The following SORCS2 variants were observed in gnomAD, a reference collection of about 807,000 sequenced individuals.
The protein encoded by SORCS2 is sortilin related VPS10 domain containing receptor 2.
A neutral mutation model predicts 141.6 loss-of-function variants in SORCS2; 100 were observed. The ratio of observed to expected loss-of-function variants is 0.71; its 90% CI spans 0.60 to 0.83. The LOEUF (loss-of-function observed/expected upper bound fraction) is 0.83, where lower values mean the gene tolerates loss of function less well. SORCS2 is among the 40% of genes least tolerant of loss of function. The pLI is 0.00. For missense variants in SORCS2, 1,646 were observed against 1,560.2 expected (o/e 1.05, Z -0.93); for synonymous variants, 789 against 676.9 (o/e 1.17, Z -2.57).
chr4:7,323,829 G>A (rs750735851), intron 1 of SORCS2, among the ~76,000 whole-genome samples: 4 of 151,848 alleles, frequency 2.6e-5, no homozygotes, highest in Non-Finnish European at 5.9e-5. Flanking sequence ...ATCCTGGGAG[G>A]GAGAACTTAT....
At chr4:7,488,474 C>T (rs1731124522) in intron 2 of SORCS2, among the ~76,000 whole-genome samples, 1 of 152,232 alleles carries the variant, frequency 6.6e-6, no homozygotes, top group Non-Finnish European at 1.5e-5. Context: ...GGTGCAGGTG[C>T]CCCCTCTACC....
intron 1 of SORCS2, among the ~76,000 whole-genome samples, chr4:7,315,520 T>C (rs973184915): frequency 1.4e-5 from 2 of 144,926 alleles, no homozygotes; most frequent in African/African-American, 5.0e-5. Context: ...GTCCTGGACC[T>C]GGAGTAGCCC....
In SORCS2 at chr4:7,554,521, A is replaced by G. The variant is rs141551317; in HGVS notation, c.648+22892A>G. Among the ~76,000 whole-genome samples the G allele has an allele frequency of 6.4e-4, 97 of 152,264 alleles. 1 individual carries two copies. The highest frequency in any genetic ancestry group is 2.2e-3 in the African/African-American group (90 of 41,532). On this transcript the variant is annotated intron_variant, in intron 3 of 26. Coordinates refer to ENST00000507866, the MANE Select transcript of SORCS2 (RefSeq NM_020777.3). ...TTCCCTATGAGACAGTCCTGGTGCT[A>G]GACAGCCCACCATTAGGATATTAAG...
At chr4:7,281,903 C>G (rs1408582579) in intron 1 of SORCS2, among the ~76,000 whole-genome samples, 2 of 152,322 alleles carry the variant, frequency 1.3e-5, no homozygotes, top group African/African-American at 4.8e-5. Context: ...TTTTCCAGGA[C>G]TCGTGACATG....
intron 1 of SORCS2, among the ~76,000 whole-genome samples, chr4:7,249,913 C>G (rs1713373703): frequency 6.6e-6 from 1 of 152,186 alleles, no homozygotes; most frequent in African/African-American, 2.4e-5. Flanking sequence ...TGAGCATGCC[C>G]TCAGCAGGCT....
At chr4:7,435,191 C>A (rs1040373444) in intron 2 of SORCS2, among the ~76,000 whole-genome samples, 4 of 152,142 alleles carry the variant, frequency 2.6e-5, no homozygotes, top group Admixed American at 6.5e-5. Flanking sequence ...TGTCCCCCAC[C>A]CTCCCCCTGC....
intron 1 of SORCS2, among the ~76,000 whole-genome samples, chr4:7,298,121 G>A (rs542981215): frequency 2.6e-5 from 4 of 152,218 alleles, no homozygotes; most frequent in African/African-American, 4.8e-5. Context: ...AGGAGGCGAC[G>A]GGGCTGGGGA....
At chr4:7,600,866 T>C (rs1017642100) in intron 3 of SORCS2, among the ~76,000 whole-genome samples, 5 of 152,186 alleles carry the variant, frequency 3.3e-5, no homozygotes, top group African/African-American at 1.2e-4. Context: ...TAACTTTCCC[T>C]ATCTTTTCAG....
In SORCS2 at chr4:7,353,015, G is replaced by A. The variant is rs115370611; in HGVS notation, c.481-43273G>A. Reference sequence around the variant, plus strand: ...GATGAGGGTTCTTGTTCAACCTGAGGTTGTGTCTGAGGCCCTGTCTCCCTG... The same window carrying A: ...GATGAGGGTTCTTGTTCAACCTGAGATTGTGTCTGAGGCCCTGTCTCCCTG... On this transcript the variant is annotated intron_variant, in intron 1 of 26. Transcript: ENST00000507866. Among the ~76,000 whole-genome samples the A allele has an allele frequency of 3.8e-3, 582 of 152,268 alleles. 3 individuals are homozygous for A. Among genetic ancestry groups the A allele is most frequent in the African/African-American group, 0.013 (542 of 41,556 alleles).
In SORCS2 at chr4:7,631,885, G is replaced by A. The variant is rs184611515; in HGVS notation, c.649-6443G>A. 2.6e-5 allele frequency among the ~76,000 whole-genome samples: 4 copies of A among 152,330 alleles called. No individual in the cohort carries two copies. The East Asian group carries it at 7.7e-4, about 29-fold the overall frequency. ...ATTTCCTGTCTTTGAGGGTGGGAGG[G>A]ATCTCCCTAGACTCTTCCAAGCCTG... On this transcript the variant is annotated intron_variant, in intron 3 of 26. Transcript: ENST00000507866.
chr4:7,312,044 G>A (rs1047858334), intron 1 of SORCS2, among the ~76,000 whole-genome samples: 6 of 151,708 alleles, frequency 4.0e-5, no homozygotes, highest in African/African-American at 1.2e-4. Flanking sequence ...GCCAGCTAAT[G>A]TTTTGTATTT....
At chr4:7,263,838 G>T (rs1714531528) in intron 1 of SORCS2, among the ~76,000 whole-genome samples, 1 of 152,186 alleles carries the variant, frequency 6.6e-6, no homozygotes, top group African/African-American at 2.4e-5. Flanking sequence ...ACCCCGACGT[G>T]GACACTGGTT....
At chr4:7,665,994 TGCAG>T (rs1029551182) in intron 7 of SORCS2, among the ~76,000 whole-genome samples, 2 of 152,108 alleles carry the variant, frequency 1.3e-5, no homozygotes, top group Admixed American at 6.5e-5. Flanking sequence ...AGGTGTGGGC[TGCAG>T]GAGGTGATTT....
At chr4:7,727,278 C>A (rs539427173) in intron 21 of SORCS2, among the ~76,000 whole-genome samples, 3 of 152,236 alleles carry the variant, frequency 2.0e-5, no homozygotes, top group African/African-American at 7.2e-5. Context: ...AGCATTGTCT[C>A]ATGATGGCAG....
chr4:7,426,787 G>GTCACA (rs1726472178), intron 2 of SORCS2, among the ~76,000 whole-genome samples: 1 of 152,180 alleles, frequency 6.6e-6, no homozygotes. Flanking sequence ...CACACAGGTA[G>GTCACA]CGAGTGGTGA....
chr4:7,466,190 A>G (rs1191558237), intron 2 of SORCS2, among the ~76,000 whole-genome samples: 2 of 152,176 alleles, frequency 1.3e-5, no homozygotes, highest in Non-Finnish European at 2.9e-5. Context: ...TCTCAGTCTG[A>G]TGAGAACTTC....
Position 7,237,021 on chromosome 4 carries a change from A to G in SORCS2, c.480+43895A>G, listed in dbSNP as rs375947161. On this transcript the variant is annotated intron_variant, in intron 1 of 26. Coordinates refer to ENST00000507866, the MANE Select transcript of SORCS2 (RefSeq NM_020777.3). Reference sequence around the variant, plus strand: ...GGTCGGGTGGGGCTCTGAGGCAGCCATCCTGAGATGCTGGGCCTCTGTGCC... The same window carrying G: ...GGTCGGGTGGGGCTCTGAGGCAGCCGTCCTGAGATGCTGGGCCTCTGTGCC... Among the ~76,000 whole-genome samples, 564 of 152,334 alleles carry G rather than the reference A, an allele frequency of 3.7e-3. 5 individuals carry two copies. The highest frequency in any genetic ancestry group is 0.013 in the African/African-American group (530 of 41,580).
intron 9 of SORCS2, among the ~76,000 whole-genome samples, chr4:7,678,688 G>T (rs959873672): frequency 8.1e-5 from 12 of 148,918 alleles, no homozygotes; most frequent in African/African-American, 3.0e-4. Context: ...GCAGTGGCCC[G>T]GTTCAAAGGT....
chr4:7,257,440 G>A (rs1053295331), intron 1 of SORCS2, among the ~76,000 whole-genome samples: 1 of 152,110 alleles, frequency 6.6e-6, no homozygotes, highest in Non-Finnish European at 1.5e-5. Flanking sequence ...CTGAGAGGCG[G>A]CAGGGCAGGG....
Sources: allele counts gnomAD v4.1 joint callset (sites outside exome capture counted in the v4.1 genomes callset), GRCh38; gene constraint gnomAD v4.1.1; transcripts MANE v1.5; gene names NCBI Gene and HGNC (gene_info 2026-07-23, HGNC 2026-07-21).